Variants in CLNK observed in about 807,000 individuals in gnomAD.
The protein encoded by CLNK is cytokine-dependent hematopoietic cell linker.
In CLNK, 74 loss-of-function variants were observed where a neutral mutation model predicts 68.6. The ratio of observed to expected loss-of-function variants is 1.08; its 90% confidence interval spans 0.89 to 1.31. The LOEUF is 1.31. Among genes scored for constraint, CLNK ranks in the 50% most tolerant of loss-of-function variants. CLNK has a pLI of 0.00. For missense variants in CLNK, 553 were observed against 515.3 expected, an observed-to-expected ratio of 1.07 and a Z score of -0.71; for synonymous variants, 198 against 172.2, an observed-to-expected ratio of 1.15 and a Z score of -1.17.
chr4:10,616,312 T>C (rs954581662), intron 2 of CLNK, among the ~76,000 whole-genome samples: 61 of 152,220 alleles, frequency 4.0e-4, no homozygotes, highest in African/African-American at 1.2e-3. Context: ...GTTTATTGCT[T>C]TGTGGACACA....
At chr4:10,651,212 G>T (rs1723719880) in intron 2 of CLNK, among the ~76,000 whole-genome samples, 1 of 152,112 alleles carries the variant, frequency 6.6e-6, no homozygotes, top group South Asian at 2.1e-4. Context: ...ATACCCAAAG[G>T]ATTACAAATC....
intron 5 of CLNK, among the ~76,000 whole-genome samples, chr4:10,570,125 A>T (rs1043465480): frequency 2.0e-5 from 3 of 152,200 alleles, no homozygotes; most frequent in Non-Finnish European, 4.4e-5. Flanking sequence ...GATTTGACAG[A>T]TGGGTATTTG....
intron 1 of CLNK, among the ~76,000 whole-genome samples, chr4:10,668,677 T>G (rs776887628): frequency 6.6e-5 from 10 of 152,134 alleles, no homozygotes; most frequent in African/African-American, 1.2e-4. Context: ...ATGCCTGGGC[T>G]TGGAGGGATT....
chr4:10,526,702 T>C (rs1222285381), intron 13 of CLNK, among the ~76,000 whole-genome samples: 1 of 152,170 alleles, frequency 6.6e-6, no homozygotes, highest in African/African-American at 2.4e-5. Flanking sequence ...CGACCAGGGA[T>C]ACAGTTTCTC....
intron 2 of CLNK, among the ~76,000 whole-genome samples, chr4:10,616,997 T>C (rs1451120235): frequency 6.6e-6 from 1 of 152,054 alleles, no homozygotes; most frequent in Non-Finnish European, 1.5e-5. Flanking sequence ...TCTGGGCTTC[T>C]GGCCTGACAA....
the CLNK span, among the ~76,000 whole-genome samples, chr4:10,723,031 G>A: frequency 2.6e-5 from 4 of 151,696 alleles, no homozygotes; most frequent in South Asian, 2.1e-4. Context: ...GAGACAGAGC[G>A]AGACTCTGTA....
Position 10,501,312 on chromosome 4 carries a change from GTATTTTTA to G in CLNK, c.1076_1083del (p.Val359AlafsTer19), listed in dbSNP as rs1717037925. 1 of 1,607,066 alleles carries G rather than the reference GTATTTTTA, an allele frequency of 6.2e-7. No individual in the cohort carries two copies. Among genetic ancestry groups the G allele is most frequent in the African/African-American group, 1.3e-5 (1 of 74,428 alleles). ...AACTGCTGATTCCTCTCCAGGAAGC[GTATTTTTA>G]CATTGTAGACTTTGTTCTCATAAAA... is the stretch of plus-strand genomic sequence containing the variant. On this transcript the variant is annotated frameshift_variant, in exon 18 of 19. Coordinates refer to ENST00000226951, the MANE Select transcript of CLNK (RefSeq NM_052964.4). LOFTEE classifies it high-confidence loss of function.
the CLNK span, chr4:10,692,214 A>G: frequency 6.6e-6 from 1 of 152,070 alleles, no homozygotes; most frequent in South Asian, 2.1e-4. Context: ...CAATGTACAA[A>G]CTCCTCAGCA....
intron 3 of CLNK, among the ~76,000 whole-genome samples, chr4:10,593,605 G>A (rs1721271077): frequency 1.3e-5 from 2 of 152,162 alleles, no homozygotes; most frequent in African/African-American, 2.4e-5. Context: ...AGTGAGCTGA[G>A]ATAGCACCAC....
intron 2 of CLNK, among the ~76,000 whole-genome samples, chr4:10,641,727 A>G (rs868028654): frequency 2.0e-5 from 3 of 152,170 alleles, no homozygotes; most frequent in Admixed American, 1.3e-4. Flanking sequence ...TCCTACTGAT[A>G]TGGTTTGGCT....
At chr4:10,661,054 G>A (rs1269162585) in intron 2 of CLNK, among the ~76,000 whole-genome samples, 3 of 152,076 alleles carry the variant, frequency 2.0e-5, no homozygotes, top group African/African-American at 7.2e-5. Flanking sequence ...CTGATCTCAG[G>A]GTGCCAAAAT....
intron 2 of CLNK, among the ~76,000 whole-genome samples, chr4:10,662,808 T>G (rs1183337550): frequency 1.3e-5 from 2 of 152,240 alleles, no homozygotes; most frequent in African/African-American, 2.4e-5. Context: ...TTGGCAATTT[T>G]CATTCTTCTT....
intron 4 of CLNK, among the ~76,000 whole-genome samples, chr4:10,584,346 C>T (rs759144588): frequency 5.3e-5 from 8 of 152,140 alleles, no homozygotes; most frequent in Non-Finnish European, 7.4e-5. Flanking sequence ...TGCCTCATTC[C>T]AGTCATTCTA....
At chr4:10,552,170 T>G (rs779557415) in intron 8 of CLNK, among the ~76,000 whole-genome samples, 8 of 152,084 alleles carry the variant, frequency 5.3e-5, no homozygotes, top group Non-Finnish European at 1.0e-4. Context: ...ATTATAATAT[T>G]AATAGTAAGC....
chr4:10,510,433 G>A (rs1037714389), intron 16 of CLNK, among the ~76,000 whole-genome samples: 7 of 152,080 alleles, frequency 4.6e-5, no homozygotes, highest in Admixed American at 2.6e-4. Context: ...TTTTGTTTGC[G>A]TTGCAATGAC....
At chr4:10,696,385 T>A in the CLNK span, among the ~76,000 whole-genome samples, 1 of 152,194 alleles carries the variant, frequency 6.6e-6, no homozygotes, top group African/African-American at 2.4e-5. Flanking sequence ...CCCAGCCTGA[T>A]GTCTACGCCT....
At chr4:10,665,310 C>T (rs1297103498) in intron 2 of CLNK, among the ~76,000 whole-genome samples, 1 of 152,132 alleles carries the variant, frequency 6.6e-6, no homozygotes, top group South Asian at 2.1e-4. Flanking sequence ...CACTGAAAGT[C>T]CTCATAAAAG....
In CLNK at chr4:10,552,710, G is replaced by A. The variant is rs572847613; in HGVS notation, c.445+5697C>T. 4.6e-5 allele frequency among the ~76,000 whole-genome samples: 7 copies of A among 152,190 alleles called. No individual in the cohort carries two copies. In the South Asian group the frequency reaches 1.2e-3, roughly 27 times the overall value. ...CTGCCTTTGGAAACCGCTGACCTAT[G>A]AGCTTTGAATGAGACGATTTGTGTA... On this transcript the variant is annotated intron_variant, in intron 8 of 18. Coordinates refer to ENST00000226951, the MANE Select transcript of CLNK (RefSeq NM_052964.4).
At chr4:10,504,913 T>A (rs762002830) in intron 17 of CLNK, among the ~76,000 whole-genome samples, 2 of 152,202 alleles carry the variant, frequency 1.3e-5, no homozygotes, top group Non-Finnish European at 2.9e-5. Context: ...ATTTTCTTAA[T>A]GTTTCTTGGG....
Sources: allele counts gnomAD v4.1 joint callset (sites outside exome capture counted in the v4.1 genomes callset), GRCh38; gene constraint gnomAD v4.1.1; transcripts MANE v1.5; gene names NCBI Gene and HGNC (gene_info 2026-07-23, HGNC 2026-07-21).